The following FNTB variants were observed in gnomAD, a reference collection of about 807,000 sequenced individuals.
FNTB encodes protein farnesyltransferase subunit beta.
A neutral mutation model predicts 59.4 loss-of-function variants in FNTB; 27 were observed. The observed-to-expected ratio is 0.45, with a 90% CI of 0.34 to 0.63. The LOEUF (loss-of-function observed/expected upper bound fraction) is 0.63, where lower values mean the gene tolerates loss of function less well. Among genes scored for constraint, FNTB ranks in the 20% least tolerant of loss-of-function variants. The pLI, the probability that FNTB is intolerant of heterozygous loss-of-function variation, is 0.02. For missense variants in FNTB, 449 were observed against 559.6 expected (o/e 0.80, Z 1.99); for synonymous variants, 230 against 220.7 (o/e 1.04, Z -0.37).
chr14:65,038,567 A>G (rs1481326149), intron 7 of FNTB, among the ~76,000 whole-genome samples: 4 of 137,138 alleles, frequency 2.9e-5, no homozygotes, highest in African/African-American at 5.5e-5. Context: ...AAAATACAAA[A>G]ATTAGCCGGG....
chr14:65,017,146 C>G (rs868745088), intron 4 of FNTB, among the ~76,000 whole-genome samples: 5 of 152,066 alleles, frequency 3.3e-5, no homozygotes, highest in African/African-American at 7.3e-5. Flanking sequence ...TGGTCTTGAA[C>G]TCCTGACCTC....
rs1566562933 is a variant in FNTB at position 65,037,751 on chromosome 14, TATTTATTTATTTATTTA to T, written c.693-3038_693-3022del. On this transcript the variant is annotated intron_variant, in intron 7 of 11. Transcript: ENST00000246166. ...CTTATTTATTTATTTATTATTTATT[TATTTATTTATTTATTTA>T]TTTATTTATTTATTTATTTATTTAT... 4.2e-4 allele frequency among the ~76,000 whole-genome samples: 45 copies of T among 106,860 alleles called. 1 individual carries two copies. Among genetic ancestry groups the T allele is most frequent in the Admixed American group, 1.8e-3 (18 of 10,030 alleles). 70.1% of individuals were successfully genotyped at this position (106,860 alleles called of 152,430 possible). A position where few individuals can be genotyped will look rare whatever the true frequency, so the allele number is the denominator to read the frequency against.
chr14:64,991,439 T>TA lies in FNTB; in HGVS notation c.144+4349dup, dbSNP rs1046161797. The stretch of plus-strand genomic sequence containing the variant: ...CAACATGGTGAAACCTCATCTCTAC[T>TA]AAAAAAATACAAAAATTAGCTAGGC... On this transcript the variant is annotated intron_variant, in intron 1 of 11. Transcript: ENST00000246166. The surrounding 1 kb of genome is among the most constrained non-coding windows in gnomAD (Gnocchi z 4.4). 1.3e-5 allele frequency among the ~76,000 whole-genome samples: 2 copies of TA among 151,982 alleles called. No individual in the cohort carries two copies. The highest frequency in any genetic ancestry group is 2.1e-4 in the South Asian group (1 of 4,806).
At chr14:65,036,298 G>A (rs913283179) in intron 7 of FNTB, among the ~76,000 whole-genome samples, 9 of 149,776 alleles carry the variant, frequency 6.0e-5, no homozygotes, top group Middle Eastern at 3.7e-3. Flanking sequence ...GTGCAGTGGC[G>A]TGATCTTGGC....
intron 11 of FNTB, among the ~76,000 whole-genome samples, chr14:65,055,936 C>T (rs1407867117): frequency 2.0e-5 from 3 of 152,158 alleles, no homozygotes; most frequent in Non-Finnish European, 4.4e-5. Flanking sequence ...CCAGCTTTTC[C>T]AGGCCCTAAT....
chr14:65,056,761 A>G (rs866940718), intron 11 of FNTB, among the ~76,000 whole-genome samples: 5 of 152,296 alleles, frequency 3.3e-5, no homozygotes, highest in Middle Eastern at 3.4e-3. Flanking sequence ...TGTGTAGTGA[A>G]TATCTTCCAG....
chr14:65,037,345 C>A (rs1367027273), intron 7 of FNTB, among the ~76,000 whole-genome samples: 1 of 134,618 alleles, frequency 7.4e-6, no homozygotes, highest in South Asian at 2.6e-4. Flanking sequence ...CTCAAGTGAT[C>A]GCCTGCCTCG....
intron 9 of FNTB, among the ~76,000 whole-genome samples, chr14:65,045,032 C>CA (rs765849816): frequency 2.6e-5 from 4 of 152,170 alleles, no homozygotes; most frequent in Non-Finnish European, 5.9e-5. Flanking sequence ...GTTCCACCTG[C>CA]ACCATTGGAG....
chr14:65,004,216 T>C, intron 1 of FNTB, 33 bp from the exon 2 acceptor site: 1 of 1,606,318 alleles, frequency 6.2e-7, no homozygotes, highest in Non-Finnish European at 8.5e-7. Flanking sequence ...TCTGTATTTG[T>C]TTTCTCTCTC....
At chr14:65,008,721 G>A (rs148415588) in intron 2 of FNTB, among the ~76,000 whole-genome samples, 1 of 152,366 alleles carries the variant, frequency 6.6e-6, no homozygotes, top group Non-Finnish European at 1.5e-5. Flanking sequence ...AAGGCAGCAT[G>A]ACCAGAGCTC....
intron 2 of FNTB, among the ~76,000 whole-genome samples, chr14:65,004,937 A>G (rs2061558794): frequency 6.6e-6 from 1 of 152,234 alleles, no homozygotes; most frequent in African/African-American, 2.4e-5. Context: ...TGCTGGGATT[A>G]CAGGCGTGAG....
At chr14:65,053,410 C>T (rs1390197366) in intron 10 of FNTB, 61 bp downstream of exon 10, 1 of 1,281,198 alleles carries the variant, frequency 7.8e-7, no homozygotes, top group East Asian at 2.9e-5. Flanking sequence ...GGGGCGTGCA[C>T]CTCAGGCCTA....
intron 10 of FNTB, 93 bp downstream of exon 10, chr14:65,053,442 C>T: frequency 9.1e-7 from 1 of 1,095,990 alleles, no homozygotes; most frequent in Admixed American, 4.2e-5. Flanking sequence ...ATCTCAAGAG[C>T]AGAGGTGTCA....
chr14:64,987,242 G>C, intron 1 of FNTB, 145 bp downstream of exon 1: 1 of 984,368 alleles, frequency 1.0e-6, no homozygotes, highest in Non-Finnish European at 1.5e-6. Flanking sequence ...GGAAGCTCCG[G>C]GCGCCCAGGC....
intron 2 of FNTB, among the ~76,000 whole-genome samples, chr14:65,005,485 CTT>C (rs1288609575): frequency 1.5e-5 from 2 of 136,532 alleles, no homozygotes; most frequent in African/African-American, 6.2e-5. Context: ...TTCTTTCTTT[CTT>C]TCTTTCTTTC....
intron 4 of FNTB, among the ~76,000 whole-genome samples, chr14:65,017,203 G>A (rs566839626): frequency 5.9e-5 from 9 of 152,270 alleles, no homozygotes; most frequent in African/African-American, 2.2e-4. Context: ...GATAACAGGT[G>A]TGAGCCACCA....
intron 11 of FNTB, among the ~76,000 whole-genome samples, chr14:65,055,047 G>A (rs1001033949): frequency 3.3e-5 from 5 of 152,342 alleles, no homozygotes; most frequent in African/African-American, 9.6e-5. Context: ...GCAGCCATGC[G>A]GCACTGGCTG....
rs1888186281 is a variant in FNTB, at chr14:64,991,210, T to C, written c.144+4113T>C. On this transcript the variant is annotated intron_variant, in intron 1 of 11. Transcript: ENST00000246166. This position sits in a 1 kb window ranked among gnomAD's most constrained non-coding sequence, Gnocchi z 4.4. ...GTCATTGAACCATTGGCATGGTTCATTGTCAATGAAGTGACTTGAACTCTG... is the reference window on the plus strand; with the variant it reads ...GTCATTGAACCATTGGCATGGTTCACTGTCAATGAAGTGACTTGAACTCTG... Among the ~76,000 whole-genome samples, 1 of 152,232 alleles carries C rather than the reference T, an allele frequency of 6.6e-6. No individual in the cohort carries two copies. Among genetic ancestry groups the C allele is most frequent in the South Asian group, 2.1e-4 (1 of 4,832 alleles).
At chr14:65,037,439 T>TTTTTTTTTTTTTTTTTC (rs1182883037) in intron 7 of FNTB, among the ~76,000 whole-genome samples, 1 of 125,984 alleles carries the variant, frequency 7.9e-6, no homozygotes, top group Admixed American at 8.3e-5. Flanking sequence ...TTTTTTTTTT[T>TTTTTTTTTTTTTTTTTC]TTTTTTTGAG....
Sources: allele counts gnomAD v4.1 joint callset (sites outside exome capture counted in the v4.1 genomes callset), GRCh38; gene constraint gnomAD v4.1.1; non-coding constraint Gnocchi (gnomAD v3.1); transcripts MANE v1.5; gene names NCBI Gene and HGNC (gene_info 2026-07-23, HGNC 2026-07-21).